Variants in NBR1 observed in about 807,000 individuals in gnomAD.
The protein encoded by NBR1 is NBR1 autophagy cargo receptor, also known as next to BRCA1 gene 1 protein.
NBR1 carries 59 observed loss-of-function variants against 115.5 expected under a neutral mutation model. The observed-to-expected ratio is 0.51, with a 90% confidence interval of 0.41 to 0.63. The LOEUF (loss-of-function observed/expected upper bound fraction) is 0.63, where lower values mean the gene tolerates loss of function less well. Among genes scored for constraint, NBR1 ranks in the 30% least tolerant of loss-of-function variants. The pLI is 0.00. For missense variants in NBR1, 1,043 were observed against 1,150.5 expected (o/e 0.91, Z 1.35); for synonymous variants, 373 against 414.7 (o/e 0.90, Z 1.22).
chr17:43,198,893 G>A (rs1197131298), intron 16 of NBR1, among the ~76,000 whole-genome samples: 2 of 152,142 alleles, frequency 1.3e-5, no homozygotes, highest in Admixed American at 6.6e-5. Flanking sequence ...AACCTGGGAG[G>A]TGCAGCTTGC....
At chr17:43,195,799 T>C (rs34234065) in intron 14 of NBR1, 48,537 of 151,406 alleles carry the variant, frequency 0.32, 8,036 homozygotes, top group South Asian at 0.49. Flanking sequence ...CCAGCCTGGA[T>C]GACAGAGTGA....
At chr17:43,185,339 C>T (rs529129021) in intron 5 of NBR1, among the ~76,000 whole-genome samples, 16 of 152,292 alleles carry the variant, frequency 1.1e-4, no homozygotes, top group Middle Eastern at 3.4e-3. Flanking sequence ...TTTGGAAAGC[C>T]AAGGTGGGCG....
chr17:43,208,201 G>A (rs948855273), intron 20 of NBR1, among the ~76,000 whole-genome samples: 1 of 152,188 alleles, frequency 6.6e-6, no homozygotes, highest in African/African-American at 2.4e-5. Context: ...ACAACAGGCA[G>A]AAGCTAGGAT....
At chr17:43,194,297 C>T in intron 12 of NBR1, 53 bp from the exon 13 acceptor site, 1 of 1,491,442 alleles carries the variant, frequency 6.7e-7, no homozygotes, top group East Asian at 2.4e-5. Context: ...GTCAGCCTGC[C>T]TCTTCAGTTC....
intron 5 of NBR1, among the ~76,000 whole-genome samples, chr17:43,185,723 A>C (rs1457427237): frequency 1.3e-5 from 2 of 152,078 alleles, no homozygotes; most frequent in Admixed American, 6.6e-5. Flanking sequence ...TAGGCTGGGC[A>C]CGGTGGCTCA....
intron 20 of NBR1, among the ~76,000 whole-genome samples, chr17:43,207,518 T>A (rs1028127249): frequency 3.9e-5 from 6 of 152,116 alleles, no homozygotes; most frequent in African/African-American, 1.4e-4. Context: ...CCACCATGCC[T>A]AGCTAGTTTT....
At chr17:43,202,822 G>A (rs1240332794) in intron 19 of NBR1, 110 bp downstream of exon 19, 1 of 831,426 alleles carries the variant, frequency 1.2e-6, no homozygotes, top group Non-Finnish European at 1.9e-6. Context: ...AGCAGAGAAG[G>A]GGAGCCTTTG....
chr17:43,198,213 G>T (rs1483576222), intron 16 of NBR1, among the ~76,000 whole-genome samples: 1 of 151,534 alleles, frequency 6.6e-6, no homozygotes, highest in Non-Finnish European at 1.5e-5. Flanking sequence ...AAACTTCTAG[G>T]TATCAGATAG....
chr17:43,197,355 T>G (rs1390266678), intron 16 of NBR1, among the ~76,000 whole-genome samples: 1 of 151,938 alleles, frequency 6.6e-6, no homozygotes, highest in Non-Finnish European at 1.5e-5. Flanking sequence ...CCATCTCTAC[T>G]AAAAATACAA....
Position 43,171,657 on chromosome 17 carries a change from G to A in NBR1, c.-10+355G>A, listed in dbSNP as rs144022935. 2.6e-3 allele frequency among the ~76,000 whole-genome samples: 391 copies of A among 152,316 alleles called. 2 individuals carry two copies. The highest frequency in any genetic ancestry group is 8.7e-3 in the African/African-American group (363 of 41,560). Reference sequence around the variant, plus strand: ...GAAACGAAAACTGGAAGACTAGGATGAACTCTGCAAGTAAAAAAATGACAC... The same window carrying A: ...GAAACGAAAACTGGAAGACTAGGATAAACTCTGCAAGTAAAAAAATGACAC... On this transcript the variant is annotated intron_variant, in intron 1 of 20. Transcript: ENST00000590996.
At chr17:43,207,075 G>A (rs2057332365) in intron 20 of NBR1, among the ~76,000 whole-genome samples, 1 of 152,044 alleles carries the variant, frequency 6.6e-6, no homozygotes, top group African/African-American at 2.4e-5. Context: ...GGGGTGGAGG[G>A]GAAAAAGTCA....
In NBR1 at chr17:43,200,209, A is replaced by G. The variant is rs2057163339; in HGVS notation, c.2069A>G (p.Glu690Gly). 6.4e-7 allele frequency: 1 copy of G among 1,550,874 alleles called. No individual in the cohort carries two copies. The highest frequency in any genetic ancestry group is 8.7e-7 in the Non-Finnish European group (1 of 1,146,414). Residue 690 changes from glutamate to glycine, a missense_variant, in exon 17 of 21, where the codon GAG (glutamate) becomes GGG (glycine). Glu to Gly is a moderately conservative substitution (Grantham distance 98). Transcript: ENST00000590996. ...LPEGPLGNEK[E>G]EIIHIAEEEA... ...GAAGGACCACTTGGAAATGAGAAGG[A>G]GGAGATTATCCATATCGCTGAGGAA...
intron 10 of NBR1, 112 bp downstream of exon 10, chr17:43,191,693 A>T: frequency 2.9e-6 from 2 of 687,012 alleles, no homozygotes; most frequent in Non-Finnish European, 5.0e-6. Flanking sequence ...TAAATCTTTA[A>T]AACTTTCCAT....
intron 20 of NBR1, among the ~76,000 whole-genome samples, chr17:43,207,107 G>A (rs2057332953): frequency 6.6e-6 from 1 of 152,090 alleles, no homozygotes; most frequent in Non-Finnish European, 1.5e-5. Context: ...CAAGTTTCTG[G>A]CTTAGTACCA....
At chr17:43,184,663 GC>G in intron 5 of NBR1, among the ~76,000 whole-genome samples, 1 of 151,952 alleles carries the variant, frequency 6.6e-6, no homozygotes, top group East Asian at 1.9e-4. Context: ...ACCGCGCCTG[GC>G]CCCAAAATAC....
At chr17:43,189,860 TG>T in intron 8 of NBR1, 58 bp downstream of exon 8, 1 of 1,430,598 alleles carries the variant, frequency 7.0e-7, no homozygotes, top group African/African-American at 1.4e-5. Context: ...TTTACCTCCC[TG>T]GCTTTCTGTG....
intron 20 of NBR1, among the ~76,000 whole-genome samples, chr17:43,209,073 C>T (rs1329039373): frequency 6.6e-6 from 1 of 151,778 alleles, no homozygotes; most frequent in African/African-American, 2.4e-5. Context: ...TTCCTCTTAC[C>T]TATTCTTGTT....
Position 43,177,191 on chromosome 17 carries a change from T to A in NBR1, c.103-745T>A, listed in dbSNP as rs1484196889. Among the ~76,000 whole-genome samples the A allele has an allele frequency of 2.0e-5, 3 of 149,032 alleles. No individual in the cohort carries two copies. The Admixed American group carries it at 2.0e-4, about 10-fold the overall frequency. On this transcript the variant is annotated intron_variant, in intron 2 of 20. Transcript: ENST00000590996. ...CGGAGGTTGAGGTGGGCGAATTGCT[T>A]GAGTGCTGGAGGTTGAGGCTGCAGT...
At chr17:43,191,645 A>G (rs772001363) in intron 10 of NBR1, 64 bp downstream of exon 10, 314 of 1,101,014 alleles carry the variant, frequency 2.9e-4, no homozygotes, top group Admixed American at 2.1e-4. Context: ...TGGAACTTCA[A>G]CCAATTTCCG....
Sources: gnomAD v4.1 joint callset for allele counts (sites outside exome capture counted in the v4.1 genomes callset) on GRCh38, gnomAD v4.1.1 for gene constraint, MANE v1.5 for transcripts, NCBI Gene and HGNC (gene_info 2026-07-23, HGNC 2026-07-21) for gene names.